F7: variants seen among roughly 807,000 people sequenced by gnomAD.
The protein encoded by F7 is coagulation factor VII, also known as FVII coagulation protein.
Under a neutral mutation model 47.5 loss-of-function variants are expected in F7, and 38 were observed. The ratio of observed to expected loss-of-function variants is 0.80; its 90% CI spans 0.62 to 1.05. The LOEUF (loss-of-function observed/expected upper bound fraction) is 1.05, where lower values mean the gene tolerates loss of function less well. F7 is among the 50% of genes least tolerant of loss of function. The pLI, the probability that F7 is intolerant of heterozygous loss-of-function variation, is 0.00. For missense variants in F7, 575 were observed against 605.4 expected (o/e 0.95, Z 0.53); for synonymous variants, 244 against 258.5 (o/e 0.94, Z 0.54).
At position 113,113,260 on chromosome 13, in the gene F7, C is replaced by T. The variant is rs1242256081; in HGVS notation, c.226-492C>T. 6.6e-6 allele frequency among the ~76,000 whole-genome samples: 1 copy of T among 152,214 alleles called. No individual in the cohort carries two copies. Among genetic ancestry groups the T allele is most frequent in the African/African-American group, 2.4e-5 (1 of 41,462 alleles). On this transcript the variant is annotated intron_variant, in intron 2 of 7. Coordinates refer to ENST00000346342, the MANE Select transcript of F7 (RefSeq NM_019616.4). This position sits in a 1 kb window ranked among gnomAD's most constrained non-coding sequence, Gnocchi z 4.1. The stretch of plus-strand genomic sequence containing the variant: ...GGTCATGCCTAGCATTTTTATACAC[C>T]TAGTTTTGAAAGCATTTCTCATCTG...
chr13:113,108,459 T>C (rs369615735), intron 1 of F7, among the ~76,000 whole-genome samples: 3 of 23,822 alleles, frequency 1.3e-4, no homozygotes, highest in Admixed American at 4.9e-4. Context: ...GTGTGGGTGT[T>C]CCGGAGGCGA....
At position 113,110,674 on chromosome 13, in the gene F7, A is replaced by T. The variant is rs764065087; in HGVS notation, c.65-16A>T. The T allele has an allele frequency of 2.6e-5, 40 of 1,547,498 alleles. No homozygotes were observed. In the South Asian group the frequency reaches 4.8e-4, roughly 18 times the overall value. On this transcript the variant is annotated splice_polypyrimidine_tract_variant and intron_variant, in intron 1 of 7. Coordinates refer to ENST00000346342, the MANE Select transcript of F7 (RefSeq NM_019616.4). ...GGGGCACGCGGTGGGCGCTTCACGG[A>T]ACTCGCATTTCCCAGTCTTCGTAAC... is the stretch of plus-strand genomic sequence containing the variant.
chr13:113,109,591 A>G (rs1473917771), intron 1 of F7, among the ~76,000 whole-genome samples: 3 of 152,116 alleles, frequency 2.0e-5, no homozygotes, highest in Non-Finnish European at 4.4e-5. Context: ...CCACCGGCCC[A>G]CAGCGTCCAC....
At chr13:113,118,270 C>T (rs1299305670) in intron 7 of F7, 143 bp from the exon 8 acceptor site, 7 of 926,610 alleles carry the variant, frequency 7.6e-6, no homozygotes, top group Admixed American at 2.6e-5. Context: ...CTGGCCCCAC[C>T]TTGGGGTTAG....
chr13:113,105,924 T>C lies in F7; in HGVS notation c.64+19T>C, dbSNP rs1326499674. 8 of 1,571,824 alleles carry C rather than the reference T, an allele frequency of 5.1e-6. No homozygotes were observed. Among genetic ancestry groups the C allele is most frequent in the Admixed American group, 3.7e-5 (2 of 54,214 alleles). On this transcript the variant is annotated intron_variant, in intron 1 of 7. Coordinates refer to ENST00000346342, the MANE Select transcript of F7 (RefSeq NM_019616.4). ...GCTGCAGGTGCGTCCGGGGAGGTTT[T>C]CTCCATAAACTTGGTGGAAGGGCAG... is the stretch of plus-strand genomic sequence containing the variant.
chr13:113,113,609 C>T lies in F7; in HGVS notation c.226-143C>T. 1 of 818,830 alleles carries T rather than the reference C, an allele frequency of 1.2e-6. No homozygotes were observed. 50.7% of individuals were successfully genotyped at this position (818,830 alleles called of 1,614,324 possible). ...GATTAGAAGAAACCTACCTCAGCTCCAGAGGAAAGTCTGGCTTCCTGAGCC... is the reference window on the plus strand; with the variant it reads ...GATTAGAAGAAACCTACCTCAGCTCTAGAGGAAAGTCTGGCTTCCTGAGCC... On this transcript the variant is annotated intron_variant, in intron 2 of 7. Coordinates refer to ENST00000346342, the MANE Select transcript of F7 (RefSeq NM_019616.4). The surrounding 1 kb of genome is among the most constrained non-coding windows in gnomAD (Gnocchi z 4.1).
rs1158640678 is a variant in F7 at position 113,119,106 on chromosome 13, G to A, written c.*98G>A. 4 of 1,066,130 alleles carry A rather than the reference G, an allele frequency of 3.8e-6. No individual in the cohort carries two copies. In the African/African-American group the frequency reaches 4.7e-5, roughly 12 times the overall value. The allele number at this position is 1,066,130 out of a possible 1,614,324, so 66.0% of individuals were successfully genotyped here. A position where few individuals can be genotyped will look rare whatever the true frequency, so the allele number is the denominator to read the frequency against. ...CTTCTGCAGTTAATGGGGTAGAGGA[G>A]GGCATGGGAGGGAGGGAGAGGTGGG... On this transcript the variant is annotated 3_prime_UTR_variant, in exon 8 of 8. Transcript: ENST00000346342.
intron 2 of F7, among the ~76,000 whole-genome samples, chr13:113,112,702 GAGGTCACCTCACACAGGACACCTCACAA>G: frequency 8.2e-6 from 1 of 122,436 alleles, no homozygotes; most frequent in African/African-American, 3.2e-5. Context: ...ACAACTCACA[GAGGTCACCTCACACAGGACACCTCACAA>G]AGGTCACCTC....
At chr13:113,117,026 C>T (rs770535863) in intron 6 of F7, 151 bp downstream of exon 6, 127 of 724,846 alleles carry the variant, frequency 1.8e-4, no homozygotes, top group Admixed American at 5.0e-4. Flanking sequence ...GCTCGCGGCA[C>T]CCCCATGCTT....
intron 1 of F7, among the ~76,000 whole-genome samples, chr13:113,109,084 G>C (rs2036035419): frequency 1.0e-5 from 1 of 97,876 alleles, no homozygotes; most frequent in Non-Finnish European, 2.2e-5. Flanking sequence ...CGGGAGTGTG[G>C]GTGTTCCGGA....
chr13:113,119,031 G>C lies in F7; in HGVS notation c.*23G>C. On this transcript the variant is annotated 3_prime_UTR_variant, in exon 8 of 8. Coordinates refer to ENST00000346342, the MANE Select transcript of F7 (RefSeq NM_019616.4). The stretch of plus-strand genomic sequence containing the variant: ...TAGCCCAGCAGCCCTGGCCTGTGGA[G>C]AGAAAGCCAAGGCTGCGTCGAACTG... 1 of 1,593,336 alleles carries C rather than the reference G, an allele frequency of 6.3e-7. No homozygotes were observed. The highest frequency in any genetic ancestry group is 8.5e-7 in the Non-Finnish European group (1 of 1,176,444).
intron 6 of F7, 139 bp from the exon 7 acceptor site, chr13:113,117,334 G>T (rs2036211081): frequency 1.4e-6 from 2 of 1,393,016 alleles, no homozygotes; most frequent in East Asian, 4.7e-5. Context: ...AGCTTTGCCT[G>T]GGAGGGATCT....
At chr13:113,107,378 CGAGGGTGTCCCGGGAGT>C (rs1566904984) in intron 1 of F7, among the ~76,000 whole-genome samples, 1 of 19,356 alleles carries the variant, frequency 5.2e-5, no homozygotes, top group African/African-American at 2.3e-4. Flanking sequence ...GTCCCGGAGG[CGAGGGTGTCCCGGGAGT>C]GTGGGTGTCC....
In F7 at chr13:113,108,019, G is replaced by A. The variant is rs373337738; in HGVS notation, c.64+2114G>A. Among the ~76,000 whole-genome samples, 33 of 8,712 alleles carry A rather than the reference G, an allele frequency of 3.8e-3. 1 individual carries two copies. The highest frequency in any genetic ancestry group is 0.014 in the South Asian group (1 of 74). 5.7% of individuals were successfully genotyped at this position (8,712 alleles called of 152,430 possible). A position where few individuals can be genotyped will look rare whatever the true frequency, so the allele number is the denominator to read the frequency against. ...GGTGTCCCGGGAGTGTGGGTGTTCCGGAGGCGAGGGTGTCCCGGGAGTGTG... is the reference window on the plus strand; with the variant it reads ...GGTGTCCCGGGAGTGTGGGTGTTCCAGAGGCGAGGGTGTCCCGGGAGTGTG... On this transcript the variant is annotated intron_variant, in intron 1 of 7. Coordinates refer to ENST00000346342, the MANE Select transcript of F7 (RefSeq NM_019616.4).
At chr13:113,110,876 C>T in intron 2 of F7, 26 bp downstream of exon 2, 1 of 1,550,202 alleles carries the variant, frequency 6.5e-7, no homozygotes, top group Non-Finnish European at 8.7e-7. Flanking sequence ...GGGCGCCCCG[C>T]GCCGCGGACA....
chr13:113,116,122 G>A lies in F7; in HGVS notation c.505+322G>A, dbSNP rs538647210. On this transcript the variant is annotated intron_variant, in intron 5 of 7. Transcript: ENST00000346342. The stretch of plus-strand genomic sequence containing the variant: ...CCGCCAGGGTTCATGAATCTACTTC[G>A]GCACAGCCAATGTCTGTACTGACTG... Among the ~76,000 whole-genome samples the A allele has an allele frequency of 3.3e-5, 5 of 152,324 alleles. No individual in the cohort carries two copies. The East Asian group carries it at 7.7e-4, about 23-fold the overall frequency.
chr13:113,109,950 C>T (rs1283581301), intron 1 of F7, among the ~76,000 whole-genome samples: 1 of 152,236 alleles, frequency 6.6e-6, no homozygotes, highest in Non-Finnish European at 1.5e-5. Flanking sequence ...CCCGTCTTCC[C>T]ATGGGCAAAA....
intron 1 of F7, among the ~76,000 whole-genome samples, chr13:113,106,335 G>A (rs185200693): frequency 1.7e-3 from 48 of 28,738 alleles, no homozygotes; most frequent in South Asian, 0.011. Context: ...CATGTGGGGC[G>A]TAGGGGATGG....
At chr13:113,109,696 C>T (rs1479880181) in intron 1 of F7, among the ~76,000 whole-genome samples, 1 of 152,174 alleles carries the variant, frequency 6.6e-6, no homozygotes, top group Non-Finnish European at 1.5e-5. Flanking sequence ...CAGCCCCGCT[C>T]GCCTCCTCCC....
Sources: allele counts gnomAD v4.1 joint callset (sites outside exome capture counted in the v4.1 genomes callset), GRCh38; gene constraint gnomAD v4.1.1; non-coding constraint Gnocchi (gnomAD v3.1); transcripts MANE v1.5; gene names NCBI Gene and HGNC (gene_info 2026-07-23, HGNC 2026-07-21).